CACNA1B: variants seen among roughly 807,000 people sequenced by gnomAD.
The protein encoded by CACNA1B is voltage-dependent N-type calcium channel subunit alpha-1B.
A neutral mutation model predicts 247.2 loss-of-function variants in CACNA1B; 70 were observed. That is an observed-to-expected ratio of 0.28 (90% CI 0.23 to 0.35). The LOEUF is 0.35. CACNA1B is among the 10% of genes least tolerant of loss of function. The pLI, the probability that CACNA1B is intolerant of heterozygous loss-of-function variation, is 1.00. For synonymous variants in CACNA1B, 1,231 were observed against 1,294.4 expected (o/e 0.95, Z 1.05); for missense variants, 2,367 against 3,197.4 (o/e 0.74, Z 6.26).
At position 137,882,724 on chromosome 9, in the gene CACNA1B, C is replaced by T. The variant is rs775580566; in HGVS notation, c.391-20C>T. ...ACCGGGTAGGGGCCAGGGGTGACCACTGTTCTGCGCTTCTCCTAGGACGAC... is the reference window on the plus strand; with the variant it reads ...ACCGGGTAGGGGCCAGGGGTGACCATTGTTCTGCGCTTCTCCTAGGACGAC... On this transcript the variant is annotated intron_variant, in intron 2 of 46. Transcript: ENST00000371372. The surrounding 1 kb of genome is among the most constrained non-coding windows in gnomAD (Gnocchi z 4.0). The T allele has an allele frequency of 6.2e-7, 1 of 1,613,806 alleles. No individual in the cohort carries two copies. Among genetic ancestry groups the T allele is most frequent in the Admixed American group, 1.7e-5 (1 of 60,012 alleles).
chr9:138,078,638 G>A (rs1960410479), intron 36 of CACNA1B, among the ~76,000 whole-genome samples: 1 of 152,080 alleles, frequency 6.6e-6, no homozygotes, highest in South Asian at 2.1e-4. Context: ...CCAGAGGTGT[G>A]GATTTTATTT....
chr9:137,922,268 A>T (rs1447370579), intron 6 of CACNA1B, among the ~76,000 whole-genome samples: 1 of 147,972 alleles, frequency 6.8e-6, no homozygotes, highest in Non-Finnish European at 1.5e-5. Context: ...GGAGAACATG[A>T]TCAGCACCAC....
rs578014272 is a variant in CACNA1B at position 137,888,458 on chromosome 9, G to A, written c.530+5575G>A. ...GGCCCCCAGAACCCCAAAGCCCTGC[G>A]CGTCCCCACCCCTGTTGTGGCTCCA... On this transcript the variant is annotated intron_variant, in intron 3 of 46. Coordinates refer to ENST00000371372, the MANE Select transcript of CACNA1B (RefSeq NM_000718.4). The surrounding 1 kb of genome is among the most constrained non-coding windows in gnomAD (Gnocchi z 4.7). 6.6e-6 allele frequency among the ~76,000 whole-genome samples: 1 copy of A among 152,328 alleles called. No homozygotes were observed.
At chr9:137,918,012 G>A (rs376163567) in intron 6 of CACNA1B, among the ~76,000 whole-genome samples, 21 of 152,336 alleles carry the variant, frequency 1.4e-4, no homozygotes, top group Middle Eastern at 3.4e-3. Flanking sequence ...GAGCAGGGCC[G>A]AGGCCCCCAA....
chr9:137,962,836 G>A (rs538501202), intron 10 of CACNA1B, among the ~76,000 whole-genome samples: 3 of 152,270 alleles, frequency 2.0e-5, no homozygotes, highest in African/African-American at 4.8e-5. Flanking sequence ...GTTGTGTGGC[G>A]ATGAGAAGAA....
At chr9:137,985,806 A>C (rs977787183) in intron 13 of CACNA1B, among the ~76,000 whole-genome samples, 5 of 152,220 alleles carry the variant, frequency 3.3e-5, no homozygotes, top group African/African-American at 1.2e-4. Context: ...GTGCATGAGC[A>C]GGGCACGGTC....
At chr9:138,099,120 C>T (rs947569418) in intron 37 of CACNA1B, among the ~76,000 whole-genome samples, 1 of 152,180 alleles carries the variant, frequency 6.6e-6, no homozygotes, top group Non-Finnish European at 1.5e-5. Flanking sequence ...TGTGTGTGCA[C>T]ATGTGTGGTG....
At chr9:138,037,321 G>A (rs1470520371) in intron 20 of CACNA1B, among the ~76,000 whole-genome samples, 5 of 152,196 alleles carry the variant, frequency 3.3e-5, no homozygotes, top group Non-Finnish European at 7.3e-5. Context: ...AATGCCAGGA[G>A]CACCCACTAG....
At chr9:137,902,887 C>T (rs1367509194) in intron 3 of CACNA1B, among the ~76,000 whole-genome samples, 1 of 152,234 alleles carries the variant, frequency 6.6e-6, no homozygotes, top group African/African-American at 2.4e-5. Flanking sequence ...CCCGGCAACC[C>T]CCACTGCCGA....
At chr9:138,117,883 G>A in intron 42 of CACNA1B, 63 bp from the exon 43 acceptor site, 2 of 1,370,708 alleles carry the variant, frequency 1.5e-6, no homozygotes, top group East Asian at 5.0e-5. Flanking sequence ...GAAGCACCAG[G>A]CTATTGGTAA....
chr9:137,915,649 C>T lies in CACNA1B; in HGVS notation c.775+843C>T, dbSNP rs181183502. Among the ~76,000 whole-genome samples the T allele has an allele frequency of 2.6e-5, 4 of 151,792 alleles. No individual in the cohort carries two copies. The East Asian group carries it at 5.8e-4, about 22-fold the overall frequency. On this transcript the variant is annotated intron_variant, in intron 5 of 46. Coordinates refer to ENST00000371372, the MANE Select transcript of CACNA1B (RefSeq NM_000718.4). ...AAAAAAAAAACAAAAACCTTTAATC[C>T]AACTGTAAATAAAAGAGAATTTTCT...
At position 137,881,210 on chromosome 9, in the gene CACNA1B, C is replaced by A. The variant is rs540296179; in HGVS notation, c.391-1534C>A. Among the ~76,000 whole-genome samples, 20 of 152,270 alleles carry A rather than the reference C, an allele frequency of 1.3e-4. No individual in the cohort carries two copies. In the South Asian group the frequency reaches 4.1e-3, roughly 32 times the overall value. Reference sequence around the variant, plus strand: ...CACCCCTTGGGAAAAGGGGTCCCTCCTAAACAAATCAGACCAGAAGGCTCG... The same window carrying A: ...CACCCCTTGGGAAAAGGGGTCCCTCATAAACAAATCAGACCAGAAGGCTCG... On this transcript the variant is annotated intron_variant, in intron 2 of 46. Transcript: ENST00000371372. This position sits in a 1 kb window ranked among gnomAD's most constrained non-coding sequence, Gnocchi z 4.3.
intron 31 of CACNA1B, chr9:138,068,570 G>T (rs1395344605): frequency 1.9e-6 from 1 of 518,456 alleles, no homozygotes; most frequent in Non-Finnish European, 3.8e-6. Context: ...AGAGGCACAG[G>T]TGGGCTGCAT....
intron 40 of CACNA1B, 70 bp downstream of exon 40, chr9:138,112,575 G>A: frequency 9.4e-7 from 1 of 1,061,066 alleles, no homozygotes; most frequent in Non-Finnish European, 1.5e-6. Context: ...CTGGAGGGCT[G>A]TGGAGGTGAG....
chr9:138,121,819 C>G lies in CACNA1B; in HGVS notation c.6840C>G (p.Phe2280Leu), dbSNP rs201383337. The G allele has an allele frequency of 1.2e-6, 2 of 1,613,190 alleles. No individual in the cohort carries two copies. The highest frequency in any genetic ancestry group is 1.7e-6 in the Non-Finnish European group (2 of 1,179,840). ...VHALPEDTLT[F>L]EEAVATNSGR... ...CCCTGCCTGAGGACACTCTCACTTT[C>G]GAGGAGGCTGTGGCCACCAACTCGG... is the stretch of plus-strand genomic sequence containing the variant. The change falls in exon 47 of 47, where the codon TTC (phenylalanine) becomes TTG (leucine). Residue 2280 changes from phenylalanine to leucine, a missense_variant. Transcript: ENST00000371372. This position sits in a 1 kb window ranked among gnomAD's most constrained non-coding sequence, Gnocchi z 6.8.
At chr9:138,093,755 A>G (rs1306924832) in intron 36 of CACNA1B, among the ~76,000 whole-genome samples, 3 of 151,972 alleles carry the variant, frequency 2.0e-5, no homozygotes, top group Admixed American at 1.3e-4. Context: ...AAAAACTAAT[A>G]AATTAATTAA....
intron 3 of CACNA1B, among the ~76,000 whole-genome samples, chr9:137,904,318 G>GTA (rs55935398): frequency 0.1 from 13,929 of 136,614 alleles, 861 homozygotes; most frequent in Non-Finnish European, 0.15. Flanking sequence ...TTCAAAATAT[G>GTA]TATATATATT....
In CACNA1B at chr9:138,115,602, A is replaced by G; in HGVS notation, c.5700A>G (p.Thr1900=). Residue 1900 remains threonine (T), a synonymous_variant, in exon 42 of 47, where the codon ACA becomes ACG. Transcript: ENST00000371372. ...CTCTGAAGGCCACCCTGGAGCAGACACAGCCGGCTGTGCTCCGAGGAGCCC... is the reference window on the plus strand; with the variant it reads ...CTCTGAAGGCCACCCTGGAGCAGACGCAGCCGGCTGTGCTCCGAGGAGCCC... ...FHPLKATLEQ[T]QPAVLRGARV... 1 of 1,613,698 alleles carries G rather than the reference A, an allele frequency of 6.2e-7. No individual in the cohort carries two copies. Among genetic ancestry groups the G allele is most frequent in the Non-Finnish European group, 8.5e-7 (1 of 1,179,824 alleles).
At position 138,123,006 on chromosome 9, in the gene CACNA1B, G is replaced by A. The variant is rs1377777678; in HGVS notation, c.*1007G>A. Reference sequence around the variant, plus strand: ...CAGCCATTTGCTGTCCTCCTCCCACGAGTGGAAGGGGTTTCCAAGGAAGCC... The same window carrying A: ...CAGCCATTTGCTGTCCTCCTCCCACAAGTGGAAGGGGTTTCCAAGGAAGCC... On this transcript the variant is annotated 3_prime_UTR_variant, in exon 47 of 47. Transcript: ENST00000371372. The A allele has an allele frequency of 3.3e-5, 5 of 152,288 alleles. No homozygotes were observed. The highest frequency in any genetic ancestry group is 4.8e-5 in the African/African-American group (2 of 41,480). 9.4% of individuals were successfully genotyped at this position (152,288 alleles called of 1,614,324 possible). A position where few individuals can be genotyped will look rare whatever the true frequency, so the allele number is the denominator to read the frequency against.
Sources: gnomAD v4.1 joint callset for allele counts (sites outside exome capture counted in the v4.1 genomes callset) on GRCh38, gnomAD v4.1.1 for gene constraint, Gnocchi (gnomAD v3.1) non-coding constraint, MANE v1.5 for transcripts, NCBI Gene and HGNC (gene_info 2026-07-23, HGNC 2026-07-21) for gene names.